The following DOCK4 variants were observed in gnomAD, a reference collection of about 807,000 sequenced individuals.
DOCK4 encodes dedicator of cytokinesis protein 4.
In DOCK4, 97 loss-of-function variants were observed where a neutral mutation model predicts 268.1. The observed-to-expected ratio is 0.36, with a 90% CI of 0.31 to 0.43. DOCK4 has a LOEUF of 0.43. DOCK4 is among the 20% of genes least tolerant of loss of function. The pLI is 1.00. For synonymous variants in DOCK4, 954 were observed against 887.2 expected (o/e 1.08, Z -1.34); for missense variants, 2,145 against 2,455.7 (o/e 0.87, Z 2.67).
intron 12 of DOCK4, among the ~76,000 whole-genome samples, chr7:111,924,375 T>A (rs6948357): frequency 0.34 from 52,403 of 151,998 alleles, 10,172 homozygotes; most frequent in African/African-American, 0.55. Flanking sequence ...GGAAATGTGA[T>A]ATGCTAGTAG....
intron 1 of DOCK4, among the ~76,000 whole-genome samples, chr7:112,127,958 G>A (rs1175451184): frequency 6.6e-6 from 1 of 152,188 alleles, no homozygotes; most frequent in Non-Finnish European, 1.5e-5. Flanking sequence ...GAACCCGGGA[G>A]GCAGAGGTTG....
At chr7:112,046,818 A>G (rs1057248845) in intron 1 of DOCK4, among the ~76,000 whole-genome samples, 3 of 152,182 alleles carry the variant, frequency 2.0e-5, no homozygotes, top group African/African-American at 7.2e-5. Flanking sequence ...CAGGCCATGG[A>G]GCACTGGAGG....
rs756691151 is a variant in DOCK4 at position 111,847,134 on chromosome 7, G to C, written c.2474-8C>G. ...GAAGAATGTATCGGGAATCTGAAGA[G>C]AGAAGAGTCATTAGTGTCACATCTG... On this transcript the variant is annotated splice_region_variant and splice_polypyrimidine_tract_variant and intron_variant, in intron 23 of 52. Transcript: ENST00000428084. 12 of 1,613,438 alleles carry C rather than the reference G, an allele frequency of 7.4e-6. No individual in the cohort carries two copies. The East Asian group carries it at 2.5e-4, about 33-fold the overall frequency.
At chr7:111,766,761 C>T (rs977659387) in intron 38 of DOCK4, among the ~76,000 whole-genome samples, 4 of 152,054 alleles carry the variant, frequency 2.6e-5, no homozygotes, top group Admixed American at 1.3e-4. Context: ...TGGAGATTTT[C>T]CACAATAAAC....
intron 1 of DOCK4, among the ~76,000 whole-genome samples, chr7:112,139,806 G>A (rs1814722983): frequency 6.6e-6 from 1 of 152,102 alleles, no homozygotes; most frequent in Admixed American, 6.6e-5. Flanking sequence ...GGTTTGAAGA[G>A]GGCAAGAGAA....
chr7:111,787,174 G>GTCAGTATTTAT (rs1799230366), intron 32 of DOCK4, among the ~76,000 whole-genome samples: 1 of 152,130 alleles, frequency 6.6e-6, no homozygotes, highest in South Asian at 2.1e-4. Context: ...AAAGAACTAT[G>GTCAGTATTTAT]TCAGTATTTA....
chr7:112,131,023 C>T (rs115395503), intron 1 of DOCK4, among the ~76,000 whole-genome samples: 2 of 152,110 alleles, frequency 1.3e-5, no homozygotes, highest in African/African-American at 2.4e-5. Context: ...CATAGAAATA[C>T]GGAGGCTGAT....
intron 1 of DOCK4, among the ~76,000 whole-genome samples, chr7:112,115,422 C>A (rs116683161): frequency 0.011 from 1,701 of 152,286 alleles, 32 homozygotes; most frequent in African/African-American, 0.039. Context: ...GCTTTGGACA[C>A]CTGCAGCCTA....
At chr7:111,741,273 T>G in intron 46 of DOCK4, 59 bp from the exon 47 acceptor site, 1 of 1,591,956 alleles carries the variant, frequency 6.3e-7, no homozygotes, top group South Asian at 1.1e-5. Flanking sequence ...CTTTATCATG[T>G]GCTAGAATGC....
At chr7:111,764,036 C>T (rs769377265) in intron 39 of DOCK4, among the ~76,000 whole-genome samples, 2 of 152,074 alleles carry the variant, frequency 1.3e-5, no homozygotes, top group African/African-American at 4.8e-5. Flanking sequence ...TTTAGGCAGG[C>T]CCACCTGCAA....
intron 43 of DOCK4, 150 bp from the exon 44 acceptor site, chr7:111,746,567 T>C (rs1401965924): frequency 1.6e-6 from 1 of 619,792 alleles, no homozygotes; most frequent in African/African-American, 1.8e-5. Flanking sequence ...TGTAGGTGGT[T>C]GGTCAGAATG....
intron 7 of DOCK4, among the ~76,000 whole-genome samples, chr7:111,979,320 G>C (rs748850822): frequency 2.6e-5 from 4 of 152,182 alleles, no homozygotes; most frequent in African/African-American, 2.4e-5. Context: ...TAAAAGTGGA[G>C]AGTAAGTAAG....
Position 111,739,211 on chromosome 7 carries a change from A to G in DOCK4, c.5155T>C (p.Ser1719Pro). 1 of 1,613,972 alleles carries G rather than the reference A, an allele frequency of 6.2e-7. No individual in the cohort carries two copies. Among genetic ancestry groups the G allele is most frequent in the Non-Finnish European group, 8.5e-7 (1 of 1,179,874 alleles). Residue 1719 changes from serine to proline, a missense_variant, in exon 49 of 53, where the codon TCC becomes CCC. Ser to Pro is a moderately conservative substitution (Grantham distance 74, BLOSUM62 -1). Coordinates refer to ENST00000428084, the MANE Select transcript of DOCK4 (RefSeq NM_001363540.2). ...GGTGACAGGCAAGAGTTTTCTCGGGAATGTTTGTGTTTGTCAGACAACAAA... is the reference window on the plus strand; with the variant it reads ...GGTGACAGGCAAGAGTTTTCTCGGGGATGTTTGTGTTTGTCAGACAACAAA... ...SPLLSDKHKH[S>P]RENSCLSPRE...
chr7:111,819,721 T>A (rs914597549), intron 27 of DOCK4: 1 of 152,254 alleles, frequency 6.6e-6, no homozygotes. Flanking sequence ...TTTTGAGGGA[T>A]GAGCAATTCA....
At chr7:111,875,505 G>A (rs560289347) in intron 17 of DOCK4, among the ~76,000 whole-genome samples, 48 of 152,326 alleles carry the variant, frequency 3.2e-4, no homozygotes, top group Middle Eastern at 3.4e-3. Flanking sequence ...GAGGGATTAT[G>A]TTTCCCTCAC....
At chr7:112,066,978 C>CCA (rs370463602) in intron 1 of DOCK4, among the ~76,000 whole-genome samples, 11,199 of 147,370 alleles carry the variant, frequency 0.076, 545 homozygotes, top group Middle Eastern at 0.14. Context: ...AACCCCGTCT[C>CCA]CACACACACA....
chr7:112,055,086 G>T (rs576018864), intron 1 of DOCK4, among the ~76,000 whole-genome samples: 1 of 152,320 alleles, frequency 6.6e-6, no homozygotes, highest in East Asian at 1.9e-4. Context: ...CTTTCAGTCA[G>T]TCAAACAATA....
intron 5 of DOCK4, among the ~76,000 whole-genome samples, chr7:111,993,708 C>T (rs1799711318): frequency 1.3e-5 from 2 of 152,166 alleles, no homozygotes; most frequent in South Asian, 4.1e-4. Flanking sequence ...ACATTCTTTT[C>T]TCTAGTATAT....
chr7:112,117,921 C>A (rs1397511093), intron 1 of DOCK4, among the ~76,000 whole-genome samples: 2 of 152,128 alleles, frequency 1.3e-5, no homozygotes, highest in African/African-American at 4.8e-5. Context: ...CATCACTGCA[C>A]TTTCTAAAAG....
Sources: allele counts gnomAD v4.1 joint callset (sites outside exome capture counted in the v4.1 genomes callset), GRCh38; gene constraint gnomAD v4.1.1; transcripts MANE v1.5; gene names NCBI Gene and HGNC (gene_info 2026-07-23, HGNC 2026-07-21).